LARP1: variants seen among roughly 807,000 people sequenced by gnomAD.
LARP1 encodes la-related protein 1.
LARP1 carries 36 observed loss-of-function variants against 122.7 expected under a neutral mutation model. That is an observed-to-expected ratio of 0.29 (90% CI 0.22 to 0.39). The LOEUF (loss-of-function observed/expected upper bound fraction) is 0.39. Among genes scored for constraint, LARP1 ranks in the 10% least tolerant of loss-of-function variants. The probability of loss-of-function intolerance (pLI) is 1.00; values close to 1 mark genes in which losing one functional copy is unlikely to be tolerated. For synonymous variants in LARP1, 539 were observed against 528.7 expected (o/e 1.02, Z -0.27); for missense variants, 1,040 against 1,403.6 (o/e 0.74, Z 4.14).
At chr5:154,706,828 A>G (rs1218568242) in intron 1 of LARP1, among the ~76,000 whole-genome samples, 1 of 152,148 alleles carries the variant, frequency 6.6e-6, no homozygotes, top group African/African-American at 2.4e-5. Context: ...AAAAAGAGGC[A>G]ATTTTATAAC....
intron 1 of LARP1, among the ~76,000 whole-genome samples, chr5:154,738,255 C>T (rs1240645618): frequency 1.3e-5 from 2 of 152,218 alleles, no homozygotes; most frequent in African/African-American, 2.4e-5. Context: ...TTCCTTTTCT[C>T]ACAACCTGAG....
intron 1 of LARP1, among the ~76,000 whole-genome samples, chr5:154,789,512 C>T (rs929953042): frequency 1.3e-5 from 2 of 152,112 alleles, no homozygotes; most frequent in African/African-American, 2.4e-5. Context: ...TGAGCCACTG[C>T]GCCTGGCCAC....
intron 1 of LARP1, among the ~76,000 whole-genome samples, chr5:154,787,077 C>T (rs1343986204): frequency 6.6e-6 from 1 of 152,138 alleles, no homozygotes; most frequent in Non-Finnish European, 1.5e-5. Flanking sequence ...TGGGGTTTCT[C>T]CATGTTGCTC....
In LARP1 at chr5:154,736,536, TTTTATTTATTTATTTA is replaced by T. The variant is rs56109800; in HGVS notation, c.205+23438_205+23453del. On this transcript the variant is annotated intron_variant, in intron 1 of 18. Transcript: ENST00000336314. Reference sequence around the variant, plus strand: ...TTGAGCCACACCCTGCCTGGCCTATTTTTATTTATTTATTTATTTATTTATTTATTTATTTATTTAT... The same window carrying T: ...TTGAGCCACACCCTGCCTGGCCTATTTTTATTTATTTATTTATTTATTTAT... Among the ~76,000 whole-genome samples the T allele has an allele frequency of 2.2e-4, 29 of 133,204 alleles. 1 individual carries two copies. The highest frequency in any genetic ancestry group is 8.5e-4 in the Admixed American group (11 of 12,968). 87.4% of individuals were successfully genotyped at this position (133,204 alleles called of 152,430 possible).
chr5:154,802,445 A>G lies in LARP1; in HGVS notation c.2109+46A>G, dbSNP rs1758424401. On this transcript the variant is annotated intron_variant, in intron 11 of 18. Coordinates refer to ENST00000518297, the MANE Select transcript of LARP1 (RefSeq NM_033551.3). This position sits in a 1 kb window ranked among gnomAD's most constrained non-coding sequence, Gnocchi z 5.1. ...TGAGTGTGGAGCCTGGTGTGCCTGT[A>G]TTGTACGGAGAAGAGGAAGCCTGAT... The G allele has an allele frequency of 5.9e-6, 9 of 1,532,694 alleles. No homozygotes were observed. In the East Asian group the frequency reaches 2.0e-4, roughly 35 times the overall value. The allele number at this position is 1,532,694 out of a possible 1,614,324, so 94.9% of individuals were successfully genotyped here.
In LARP1 at chr5:154,794,120, G is replaced by A. The variant is rs779201399; in HGVS notation, c.1090G>A (p.Gly364Ser). Reference protein sequence around the residue: ...GTRTHFDYQFGYRKFDGVEGP... With the variant: ...GTRTHFDYQFSYRKFDGVEGP... ...CATAGCCCATTTTGACTACCAGTTTGGCTACCGAAAGTTTGATGGTGTGGA... is the reference window on the plus strand; with the variant it reads ...CATAGCCCATTTTGACTACCAGTTTAGCTACCGAAAGTTTGATGGTGTGGA... The change falls in exon 7 of 19, where the codon GGC becomes AGC. Residue 364 changes from glycine to serine, a missense_variant. Transcript: ENST00000518297. 2 of 1,614,208 alleles carry A rather than the reference G, an allele frequency of 1.2e-6. No individual in the cohort carries two copies. The highest frequency in any genetic ancestry group is 1.7e-6 in the Non-Finnish European group (2 of 1,180,022).
intron 3 of LARP1, chr5:154,792,104 G>C (rs907585001): frequency 2.6e-6 from 1 of 389,224 alleles, no homozygotes; most frequent in East Asian, 7.4e-5. Context: ...GCCAAGCACC[G>C]ACCTCCAGAC....
At chr5:154,756,943 A>AG (rs1753983126) in intron 1 of LARP1, among the ~76,000 whole-genome samples, 1 of 141,290 alleles carries the variant, frequency 7.1e-6, no homozygotes, top group African/African-American at 2.7e-5. Flanking sequence ...CGGCGACTTG[A>AG]GGGGCGTGTG....
In LARP1 at chr5:154,815,587, C is replaced by T. The variant is rs963811980; in HGVS notation, c.*1491C>T. On this transcript the variant is annotated 3_prime_UTR_variant, in exon 19 of 19. Coordinates refer to ENST00000518297, the MANE Select transcript of LARP1 (RefSeq NM_033551.3). ...CTAAGGTCTGGTGGAGTCTCCCCAT[C>T]TTGCATACCCTTCTGCAAGCCATCT... 1 of 152,216 alleles carries T rather than the reference C, an allele frequency of 6.6e-6. No individual in the cohort carries two copies. The allele number at this position is 152,216 out of a possible 1,614,324, so 9.4% of individuals were successfully genotyped here. A position where few individuals can be genotyped will look rare whatever the true frequency, so the allele number is the denominator to read the frequency against.
chr5:154,782,745 A>G (rs1156413435), intron 1 of LARP1, among the ~76,000 whole-genome samples: 2 of 152,078 alleles, frequency 1.3e-5, no homozygotes, highest in Non-Finnish European at 2.9e-5. Context: ...CCTGCATTTC[A>G]TCCGCAGGTC....
At chr5:154,797,225 T>C (rs1278782169) in intron 8 of LARP1, among the ~76,000 whole-genome samples, 1 of 99,584 alleles carries the variant, frequency 1.0e-5, no homozygotes, top group Non-Finnish European at 2.0e-5. Flanking sequence ...GTTGTTGTTT[T>C]TTTTTTTTTT....
At chr5:154,756,275 C>T (rs1340160258) in intron 1 of LARP1, 82 bp downstream of exon 1, 2 of 1,037,644 alleles carry the variant, frequency 1.9e-6, no homozygotes, top group South Asian at 2.2e-5. Flanking sequence ...CCTCCAGGGC[C>T]CCGGGGTCTG....
chr5:154,806,125 T>A lies in LARP1; in HGVS notation c.2698+93T>A, dbSNP rs904252480. 4.3e-5 allele frequency: 58 copies of A among 1,334,134 alleles called. No homozygotes were observed. In the African/African-American group the frequency reaches 8.1e-4, roughly 19 times the overall value. The allele number at this position is 1,334,134 out of a possible 1,614,324, so 82.6% of individuals were successfully genotyped here. A position where few individuals can be genotyped will look rare whatever the true frequency, so the allele number is the denominator to read the frequency against. On this transcript the variant is annotated intron_variant, in intron 15 of 18. Coordinates refer to ENST00000518297, the MANE Select transcript of LARP1 (RefSeq NM_033551.3). ...GGGGATACGGGGATAGGTGACTCTT[T>A]TCTCTGACTTCAGAGCAAAAAAAAG...
At chr5:154,700,348 G>GT (rs1357989573) in intron 1 of LARP1, among the ~76,000 whole-genome samples, 3 of 151,858 alleles carry the variant, frequency 2.0e-5, no homozygotes, top group Non-Finnish European at 4.4e-5. Context: ...GTCATTGTGT[G>GT]TTTTTTCATA....
chr5:154,767,790 A>G (rs1024618218), intron 1 of LARP1, among the ~76,000 whole-genome samples: 2 of 152,114 alleles, frequency 1.3e-5, no homozygotes, highest in African/African-American at 4.8e-5. Context: ...GACACCAATT[A>G]CATGGATGGA....
chr5:154,686,691 C>G (rs556134180), intron 1 of LARP1, among the ~76,000 whole-genome samples: 1 of 152,332 alleles, frequency 6.6e-6, no homozygotes, highest in African/African-American at 2.4e-5. Context: ...TCTCTTCACT[C>G]ATTACTGTCC....
intron 1 of LARP1, among the ~76,000 whole-genome samples, chr5:154,738,283 CA>C (rs1253727293): frequency 6.6e-6 from 1 of 152,196 alleles, no homozygotes; most frequent in African/African-American, 2.4e-5. Context: ...TGCCAGCCAA[CA>C]TCTTAATCTG....
intron 1 of LARP1, among the ~76,000 whole-genome samples, chr5:154,689,651 G>GA (rs141485375): frequency 0.026 from 3,807 of 148,176 alleles, 55 homozygotes; most frequent in Middle Eastern, 0.045. Flanking sequence ...GAAAAGAAAA[G>GA]AAAAAACATT....
rs10526758 is a variant in LARP1 at position 154,737,436 on chromosome 5, C to CTTTT, written c.205+24326_205+24329dup. On this transcript the variant is annotated intron_variant, in intron 1 of 18. Transcript: ENST00000336314. ...TAATCTAGAAGCATGGAATTTTTCT[C>CTTTT]TTTTTTTTTTTTTTTTTTTTTTTGA... Among the ~76,000 whole-genome samples, 60 of 95,306 alleles carry CTTTT rather than the reference C, an allele frequency of 6.3e-4. 2 individuals are homozygous for CTTTT. The highest frequency in any genetic ancestry group is 1.1e-3 in the African/African-American group (24 of 22,580). 62.5% of individuals were successfully genotyped at this position (95,306 alleles called of 152,430 possible). A position where few individuals can be genotyped will look rare whatever the true frequency, so the allele number is the denominator to read the frequency against.
Sources: gnomAD v4.1 joint callset for allele counts (sites outside exome capture counted in the v4.1 genomes callset) on GRCh38, gnomAD v4.1.1 for gene constraint, Gnocchi (gnomAD v3.1) non-coding constraint, MANE v1.5 for transcripts, NCBI Gene and HGNC (gene_info 2026-07-23, HGNC 2026-07-21) for gene names.